Variants in RAB15 observed in about 807,000 individuals in gnomAD.
RAB15 encodes ras-related protein Rab-15.
In RAB15, 13 loss-of-function variants were observed where a neutral mutation model predicts 31.8. That is an observed-to-expected ratio of 0.41 (90% CI 0.27 to 0.65). RAB15 has a LOEUF of 0.65. RAB15 is among the 30% of genes least tolerant of loss of function. The pLI is 0.32. For synonymous variants in RAB15, 100 were observed against 105.6 expected (o/e 0.95, Z 0.33); for missense variants, 220 against 277.3 (o/e 0.79, Z 1.47).
intron 1 of RAB15, among the ~76,000 whole-genome samples, chr14:64,964,753 T>G (rs1887038785): frequency 6.6e-6 from 1 of 151,388 alleles, no homozygotes; most frequent in African/African-American, 2.4e-5. Context: ...TTTTTTGTAT[T>G]TTTAGTAGAG....
chr14:64,956,345 A>G (rs953995026), intron 1 of RAB15, among the ~76,000 whole-genome samples: 5 of 150,348 alleles, frequency 3.3e-5, no homozygotes, highest in Admixed American at 1.3e-4. Flanking sequence ...CAGGAGGCAG[A>G]GGCTGCAGTG....
Position 64,956,093 on chromosome 14 carries a change from C to A in RAB15, c.125-3522G>T, listed in dbSNP as rs149060529. 1.7e-4 allele frequency among the ~76,000 whole-genome samples: 26 copies of A among 152,238 alleles called. No homozygotes were observed. In the East Asian group the frequency reaches 4.1e-3, roughly 24 times the overall value. On this transcript the variant is annotated intron_variant, in intron 1 of 6. Coordinates refer to ENST00000533601, the MANE Select transcript of RAB15 (RefSeq NM_001308154.2). ...CCCTGGACCCACAGCATCAGCATCA[C>A]CTGGGACTTGTTAGAAATGCAAATT...
At position 64,970,360 on chromosome 14, in the gene RAB15, C is replaced by T. The variant is rs1887355846; in HGVS notation, c.124+1593G>A. On this transcript the variant is annotated intron_variant, in intron 1 of 6. Coordinates refer to ENST00000533601, the MANE Select transcript of RAB15 (RefSeq NM_001308154.2). The surrounding 1 kb of genome is among the most constrained non-coding windows in gnomAD (Gnocchi z 4.1). Reference sequence around the variant, plus strand: ...CCTGCACCTGCCTCTTCCCCAAGTCCTCCCGGCAGGCACAAAGCCTTAGTG... The same window carrying T: ...CCTGCACCTGCCTCTTCCCCAAGTCTTCCCGGCAGGCACAAAGCCTTAGTG... Among the ~76,000 whole-genome samples, 1 of 152,232 alleles carries T rather than the reference C, an allele frequency of 6.6e-6. No homozygotes were observed. Among genetic ancestry groups the T allele is most frequent in the African/African-American group, 2.4e-5 (1 of 41,450 alleles).
chr14:64,954,635 A>G lies in RAB15; in HGVS notation c.125-2064T>C, dbSNP rs1041409924. On this transcript the variant is annotated intron_variant, in intron 1 of 6. Coordinates refer to ENST00000533601, the MANE Select transcript of RAB15 (RefSeq NM_001308154.2). The surrounding 1 kb of genome is among the most constrained non-coding windows in gnomAD (Gnocchi z 4.3). ...AAAGACATGGCCCCTGCCCTCAGAG[A>G]GCCTAGTGGAAAGGAAACAAGGGCT... 1 of 628,392 alleles carries G rather than the reference A, an allele frequency of 1.6e-6. No individual in the cohort carries two copies. The highest frequency in any genetic ancestry group is 2.0e-6 in the Non-Finnish European group (1 of 503,974). 38.9% of individuals were successfully genotyped at this position (628,392 alleles called of 1,614,324 possible). A position where few individuals can be genotyped will look rare whatever the true frequency, so the allele number is the denominator to read the frequency against.
Position 64,954,209 on chromosome 14 carries a change from A to G in RAB15, c.125-1638T>C, listed in dbSNP as rs2139975746. ...TCCAAATGGGCAATGCCTGGCAGCC[A>G]TTCTTCCATGTGTGCAGAGAAAGAG... On this transcript the variant is annotated intron_variant, in intron 1 of 6. Transcript: ENST00000533601. The surrounding 1 kb of genome is among the most constrained non-coding windows in gnomAD (Gnocchi z 4.3). 3.0e-6 allele frequency: 3 copies of G among 985,446 alleles called. No individual in the cohort carries two copies. In the South Asian group the frequency reaches 1.4e-4, roughly 46 times the overall value. The allele number at this position is 985,446 out of a possible 1,614,324, so 61.0% of individuals were successfully genotyped here.
Position 64,955,906 on chromosome 14 carries a change from C to T in RAB15, c.125-3335G>A, listed in dbSNP as rs1172087980. 2.0e-5 allele frequency among the ~76,000 whole-genome samples: 3 copies of T among 152,222 alleles called. No homozygotes were observed. The highest frequency in any genetic ancestry group is 4.4e-5 in the Non-Finnish European group (3 of 68,042). ...CCGGCTCCTCTAAGGTCATATTTCT[C>T]AAACTTCCAGGTGCATGAGAATCAC... On this transcript the variant is annotated intron_variant, in intron 1 of 6. Transcript: ENST00000533601. This position sits in a 1 kb window ranked among gnomAD's most constrained non-coding sequence, Gnocchi z 4.4.
In RAB15 at chr14:64,963,169, A is replaced by AG. The variant is rs537778810; in HGVS notation, c.124+8783dup. Among the ~76,000 whole-genome samples the AG allele has an allele frequency of 3.8e-5, 5 of 131,184 alleles. No homozygotes were observed. The South Asian group carries it at 1.2e-3, about 32-fold the overall frequency. 86.1% of individuals were successfully genotyped at this position (131,184 alleles called of 152,430 possible). A position where few individuals can be genotyped will look rare whatever the true frequency, so the allele number is the denominator to read the frequency against. On this transcript the variant is annotated intron_variant, in intron 1 of 6. Transcript: ENST00000533601. ...GGTCTCACTCTGTCACCCAGGCTGG[A>AG]GTACAGTGGTACGATCTCGGCTCAC... is the stretch of plus-strand genomic sequence containing the variant.
intron 1 of RAB15, among the ~76,000 whole-genome samples, chr14:64,966,055 TG>T (rs1336040284): frequency 2.6e-5 from 4 of 152,178 alleles, no homozygotes; most frequent in Non-Finnish European, 5.9e-5. Flanking sequence ...GTCACCCCAC[TG>T]CTTCACACCT....
In RAB15 at chr14:64,952,685, A is replaced by T. The variant is rs1454314350; in HGVS notation, c.125-114T>A. The T allele has an allele frequency of 1.4e-6, 1 of 717,144 alleles. No homozygotes were observed. The highest frequency in any genetic ancestry group is 1.8e-5 in the African/African-American group (1 of 55,754). 44.4% of individuals were successfully genotyped at this position (717,144 alleles called of 1,614,324 possible). A position where few individuals can be genotyped will look rare whatever the true frequency, so the allele number is the denominator to read the frequency against. On this transcript the variant is annotated intron_variant, in intron 1 of 6. Transcript: ENST00000533601. This position sits in a 1 kb window ranked among gnomAD's most constrained non-coding sequence, Gnocchi z 4.2. ...CCTTTCAGTTTAATTTGGCAAAGGG[A>T]TGAAGTAATGTAAAGGCCTTCTTTA...
intron 1 of RAB15, among the ~76,000 whole-genome samples, chr14:64,961,354 G>A (rs550171331): frequency 1.3e-5 from 2 of 152,304 alleles, no homozygotes; most frequent in Admixed American, 1.3e-4. Context: ...CAGGGATCCC[G>A]GGAGCTGATA....
At chr14:64,967,437 A>G (rs1313861889) in intron 1 of RAB15, among the ~76,000 whole-genome samples, 1 of 152,110 alleles carries the variant, frequency 6.6e-6, no homozygotes, top group East Asian at 1.9e-4. Context: ...ACGTACAAAC[A>G]TTAGCTGAAT....
At chr14:64,963,485 C>T (rs1228636143) in intron 1 of RAB15, among the ~76,000 whole-genome samples, 2 of 152,128 alleles carry the variant, frequency 1.3e-5, no homozygotes, top group African/African-American at 4.8e-5. Flanking sequence ...CTTAGGCCAG[C>T]GGGCACCACA....
Position 64,951,754 on chromosome 14 carries a change from T to G in RAB15, c.186-91A>C. ...AGAGCTGTCCCCTTGTAGGAAAAAC[T>G]GGGGAGCTAAAGGGTGAAAAACCAG... On this transcript the variant is annotated intron_variant, in intron 2 of 6. Coordinates refer to ENST00000533601, the MANE Select transcript of RAB15 (RefSeq NM_001308154.2). The surrounding 1 kb of genome is among the most constrained non-coding windows in gnomAD (Gnocchi z 7.2). 1 of 1,166,380 alleles carries G rather than the reference T, an allele frequency of 8.6e-7. No homozygotes were observed. The allele number at this position is 1,166,380 out of a possible 1,614,324, so 72.3% of individuals were successfully genotyped here. A position where few individuals can be genotyped will look rare whatever the true frequency, so the allele number is the denominator to read the frequency against.
rs1022124590 is a variant in RAB15, at chr14:64,971,374, C to A, written c.124+579G>T. ...AGAACAGATGTCTCCTCTTCCCAGGCGCAGGGGCTCCTCACCCTATCTGTG... is the reference window on the plus strand; with the variant it reads ...AGAACAGATGTCTCCTCTTCCCAGGAGCAGGGGCTCCTCACCCTATCTGTG... On this transcript the variant is annotated intron_variant, in intron 1 of 6. Transcript: ENST00000533601. The surrounding 1 kb of genome is among the most constrained non-coding windows in gnomAD (Gnocchi z 4.1). Among the ~76,000 whole-genome samples the A allele has an allele frequency of 6.6e-6, 1 of 152,136 alleles. No individual in the cohort carries two copies. Among genetic ancestry groups the A allele is most frequent in the Non-Finnish European group, 1.5e-5 (1 of 68,008 alleles).
At position 64,971,470 on chromosome 14, in the gene RAB15, C is replaced by A. The variant is rs763476669; in HGVS notation, c.124+483G>T. Among the ~76,000 whole-genome samples the A allele has an allele frequency of 6.6e-6, 1 of 152,138 alleles. No homozygotes were observed. Among genetic ancestry groups the A allele is most frequent in the East Asian group, 1.9e-4 (1 of 5,184 alleles). On this transcript the variant is annotated intron_variant, in intron 1 of 6. Coordinates refer to ENST00000533601, the MANE Select transcript of RAB15 (RefSeq NM_001308154.2). The surrounding 1 kb of genome is among the most constrained non-coding windows in gnomAD (Gnocchi z 4.1). ...CCCTGGAAACTCGATCCCTGTGGCC[C>A]CTCCGTACGTCCTCTCTTCCCCCCC...
chr14:64,951,055 G>A lies in RAB15; in HGVS notation c.324+19C>T, dbSNP rs1385825355. The A allele has an allele frequency of 6.2e-7, 1 of 1,613,132 alleles. No individual in the cohort carries two copies. Among genetic ancestry groups the A allele is most frequent in the African/African-American group, 1.3e-5 (1 of 74,926 alleles). ...GAGGCACCCTCTCCACACCCCGGCAGTGAGGTGGCATCTCCTACCTCATCC... is the reference window on the plus strand; with the variant it reads ...GAGGCACCCTCTCCACACCCCGGCAATGAGGTGGCATCTCCTACCTCATCC... On this transcript the variant is annotated intron_variant, in intron 4 of 6. Coordinates refer to ENST00000533601, the MANE Select transcript of RAB15 (RefSeq NM_001308154.2). The surrounding 1 kb of genome is among the most constrained non-coding windows in gnomAD (Gnocchi z 7.2).
intron 1 of RAB15, among the ~76,000 whole-genome samples, chr14:64,964,530 AG>A (rs67447889): frequency 0.21 from 28,978 of 138,094 alleles, 3,505 homozygotes; most frequent in East Asian, 0.56. Flanking sequence ...AAAAAAAAAA[AG>A]AAAAAAAGAA....
rs1886249317 is a variant in RAB15 at position 64,951,529 on chromosome 14, G to A, written c.246+74C>T. On this transcript the variant is annotated intron_variant, in intron 3 of 6. Transcript: ENST00000533601. This position sits in a 1 kb window ranked among gnomAD's most constrained non-coding sequence, Gnocchi z 7.2. ...CTGTATTTAGGGGATCCGTGGCACA[G>A]ACATCTCAAATACCCAGAGCTGGGA... The A allele has an allele frequency of 7.4e-6, 10 of 1,346,046 alleles. No individual in the cohort carries two copies. In the South Asian group the frequency reaches 1.0e-4, roughly 14 times the overall value. 83.4% of individuals were successfully genotyped at this position (1,346,046 alleles called of 1,614,324 possible).
In RAB15 at chr14:64,949,736, AAAAG is replaced by A. The variant is rs1201474504; in HGVS notation, c.414+585_414+588del. On this transcript the variant is annotated intron_variant, in intron 5 of 6. Transcript: ENST00000533601. The stretch of plus-strand genomic sequence containing the variant: ...AGACTCCATCTCAAAAAAAAAAAAA[AAAAG>A]AAAGAAAGAAAAAAAAAATAACCAA... Among the ~76,000 whole-genome samples the A allele has an allele frequency of 3.8e-3, 550 of 145,990 alleles. 2 individuals carry two copies. The highest frequency in any genetic ancestry group is 0.012 in the South Asian group (56 of 4,800).
Sources: gnomAD v4.1 joint callset for allele counts (sites outside exome capture counted in the v4.1 genomes callset) on GRCh38, gnomAD v4.1.1 for gene constraint, Gnocchi (gnomAD v3.1) non-coding constraint, MANE v1.5 for transcripts, NCBI Gene and HGNC (gene_info 2026-07-23, HGNC 2026-07-21) for gene names.